CCSER1: variants seen among roughly 807,000 people sequenced by gnomAD.
CCSER1 encodes the protein coiled-coil serine rich protein 1, also known as serine-rich coiled-coil domain-containing protein 1.
Under a neutral mutation model 82.0 loss-of-function variants are expected in CCSER1, and 41 were observed. The observed-to-expected ratio is 0.50, with a 90% CI of 0.39 to 0.65. The LOEUF is 0.65. Ranked by LOEUF, CCSER1 falls within the 30% of genes least tolerant of loss-of-function variation. The pLI is 0.00. For synonymous variants in CCSER1, 414 were observed against 383.9 expected (o/e 1.08, Z -0.92); for missense variants, 1,119 against 1,064.2 (o/e 1.05, Z -0.72).
chr4:90,598,911 G>C (rs1482870879), intron 5 of CCSER1, among the ~76,000 whole-genome samples: 1 of 152,172 alleles, frequency 6.6e-6, no homozygotes, highest in Non-Finnish European at 1.5e-5. Flanking sequence ...TGAGAGCATG[G>C]TGCAATGATG....
intron 8 of CCSER1, among the ~76,000 whole-genome samples, chr4:90,875,057 A>G (rs1386817447): frequency 6.7e-6 from 1 of 148,658 alleles, no homozygotes; most frequent in Non-Finnish European, 1.5e-5. Context: ...AAAAACAAAA[A>G]CAACAACAAC....
At chr4:91,163,959 T>G (rs1731740844) in intron 10 of CCSER1, among the ~76,000 whole-genome samples, 1 of 152,200 alleles carries the variant, frequency 6.6e-6, no homozygotes, top group Non-Finnish European at 1.5e-5. Flanking sequence ...TGTGTGAATT[T>G]GATCCTGTCA....
chr4:91,474,851 A>G (rs1757498536), intron 10 of CCSER1, among the ~76,000 whole-genome samples: 1 of 149,788 alleles, frequency 6.7e-6, no homozygotes, highest in African/African-American at 2.4e-5. Context: ...TGCCTTCCAA[A>G]TTTGAGGGAT....
intron 4 of CCSER1, among the ~76,000 whole-genome samples, chr4:90,450,580 G>C (rs1207851323): frequency 6.6e-6 from 1 of 152,098 alleles, no homozygotes; most frequent in African/African-American, 2.4e-5. Flanking sequence ...TCTTTACTCT[G>C]GTACTTCGGG....
intron 8 of CCSER1, among the ~76,000 whole-genome samples, chr4:90,910,315 A>T (rs768441195): frequency 3.1e-4 from 47 of 152,358 alleles, no homozygotes; most frequent in Non-Finnish European, 6.0e-4. Flanking sequence ...CTCATTAAAA[A>T]CAAAAAGCAA....
chr4:91,053,432 A>G (rs1363247832), intron 9 of CCSER1, among the ~76,000 whole-genome samples: 1 of 152,114 alleles, frequency 6.6e-6, no homozygotes, highest in Non-Finnish European at 1.5e-5. Context: ...TATTCCTTAA[A>G]CCTAAGTATT....
intron 6 of CCSER1, among the ~76,000 whole-genome samples, chr4:90,689,268 G>T (rs1165401407): frequency 6.6e-6 from 1 of 152,032 alleles, no homozygotes; most frequent in Admixed American, 6.6e-5. Context: ...GGATAACTAA[G>T]CAAATTATTT....
At position 90,776,095 on chromosome 4, in the gene CCSER1, T is replaced by C. The variant is rs544327052; in HGVS notation, c.2011-39667T>C. On this transcript the variant is annotated intron_variant, in intron 7 of 10. Coordinates refer to ENST00000509176, the MANE Select transcript of CCSER1 (RefSeq NM_001145065.2). The stretch of plus-strand genomic sequence containing the variant: ...ATCCCCAAATATGGAAAGTACCAGA[T>C]AGTAAATTTTATGTTTTCAATAATT... 5.3e-4 allele frequency among the ~76,000 whole-genome samples: 80 copies of C among 152,252 alleles called. 2 individuals carry two copies. In the Middle Eastern group the frequency reaches 0.031, roughly 58 times the overall value.
At position 91,087,072 on chromosome 4, in the gene CCSER1, C is replaced by T. The variant is rs1182355415; in HGVS notation, c.2217+1078C>T. ...GCACTTCATAAGGAAGATCTCAGAA[C>T]CTTTTACAGCTTTGTGAGAATGACT... On this transcript the variant is annotated intron_variant, in intron 10 of 10. Coordinates refer to ENST00000509176, the MANE Select transcript of CCSER1 (RefSeq NM_001145065.2). Among the ~76,000 whole-genome samples the T allele has an allele frequency of 2.0e-5, 3 of 151,986 alleles. No homozygotes were observed. The East Asian group carries it at 5.8e-4, about 29-fold the overall frequency.
intron 3 of CCSER1, among the ~76,000 whole-genome samples, chr4:90,372,609 G>A (rs1747632017): frequency 6.6e-6 from 1 of 152,032 alleles, no homozygotes; most frequent in African/African-American, 2.4e-5. Context: ...ATTTAGCCGG[G>A]CCTGGTGGCA....
intron 10 of CCSER1, among the ~76,000 whole-genome samples, chr4:91,568,214 G>A (rs1419706535): frequency 2.6e-5 from 4 of 151,958 alleles, no homozygotes; most frequent in Admixed American, 1.3e-4. Flanking sequence ...TGAGAGGTTC[G>A]CTGTTAGCCT....
chr4:90,377,737 A>G (rs1748582664), intron 3 of CCSER1, among the ~76,000 whole-genome samples: 1 of 152,140 alleles, frequency 6.6e-6, no homozygotes, highest in Non-Finnish European at 1.5e-5. Flanking sequence ...ATGTAACTCA[A>G]TGTAATATTT....
In CCSER1 at chr4:90,793,867, G is replaced by T. The variant is rs1053751900; in HGVS notation, c.2011-21895G>T. ...ACTTCTTAATAACACATACCATTCT[G>T]TGAGGTGGTGTCTCATTGTGGTTTT... On this transcript the variant is annotated intron_variant, in intron 7 of 10. Transcript: ENST00000509176. Among the ~76,000 whole-genome samples the T allele has an allele frequency of 3.3e-5, 5 of 152,080 alleles. No individual in the cohort carries two copies. The South Asian group carries it at 1.0e-3, about 32-fold the overall frequency.
chr4:91,562,178 A>G (rs563849994), intron 10 of CCSER1, among the ~76,000 whole-genome samples: 51 of 151,628 alleles, frequency 3.4e-4, no homozygotes, highest in African/African-American at 1.0e-3. Flanking sequence ...AATTCAAAAT[A>G]TCTTGCTATT....
intron 5 of CCSER1, among the ~76,000 whole-genome samples, chr4:90,506,980 T>C (rs1770791808): frequency 6.6e-6 from 1 of 152,150 alleles, no homozygotes; most frequent in Non-Finnish European, 1.5e-5. Context: ...CTCGTTTCAG[T>C]TCTCTTGTCT....
intron 7 of CCSER1, among the ~76,000 whole-genome samples, chr4:90,763,160 A>G (rs1750657105): frequency 1.3e-5 from 2 of 152,064 alleles, no homozygotes; most frequent in Non-Finnish European, 1.5e-5. Flanking sequence ...GAGAATTGTC[A>G]TAATTTTCCT....
At chr4:91,330,582 T>C (rs1310510341) in intron 10 of CCSER1, among the ~76,000 whole-genome samples, 1 of 152,174 alleles carries the variant, frequency 6.6e-6, no homozygotes, top group Non-Finnish European at 1.5e-5. Context: ...ATCCAAATGC[T>C]GTAAAGGCTA....
chr4:90,370,407 T>C lies in CCSER1; in HGVS notation c.1510-29629T>C, dbSNP rs1183225858. The C allele has an allele frequency of 1.3e-5, 2 of 152,128 alleles. 1 individual carries two copies. The allele number at this position is 152,128 out of a possible 1,614,324, so 9.4% of individuals were successfully genotyped here. ...TTATTTCTAGAAAATTAAGTATAAA[T>C]GGTAGGTTGGATTTTCACTTTCAAC... On this transcript the variant is annotated intron_variant, in intron 3 of 10. Coordinates refer to ENST00000509176, the MANE Select transcript of CCSER1 (RefSeq NM_001145065.2).
intron 10 of CCSER1, among the ~76,000 whole-genome samples, chr4:91,442,024 A>C (rs1355042323): frequency 3.3e-5 from 5 of 152,214 alleles, no homozygotes; most frequent in African/African-American, 1.2e-4. Context: ...AAGAATCAAT[A>C]TCATGAAAAT....
Sources: gnomAD v4.1 joint callset for allele counts (sites outside exome capture counted in the v4.1 genomes callset) on GRCh38, gnomAD v4.1.1 for gene constraint, MANE v1.5 for transcripts, NCBI Gene and HGNC (gene_info 2026-07-23, HGNC 2026-07-21) for gene names.